Variants in PRMT3 observed in about 807,000 individuals in gnomAD.
PRMT3 encodes the protein protein arginine N-methyltransferase 3.
PRMT3 carries 62 observed loss-of-function variants against 71.9 expected under a neutral mutation model. The ratio of observed to expected loss-of-function variants is 0.86; its 90% confidence interval spans 0.70 to 1.07. The LOEUF (loss-of-function observed/expected upper bound fraction) is 1.07, where lower values mean the gene tolerates loss of function less well. Among genes scored for constraint, PRMT3 ranks in the 50% least tolerant of loss-of-function variants. The pLI is 0.00. For missense variants in PRMT3, 663 were observed against 643.0 expected (o/e 1.03, Z -0.34); for synonymous variants, 213 against 220.4 (o/e 0.97, Z 0.30).
chr11:20,429,407 C>T (rs962167860), intron 10 of PRMT3, among the ~76,000 whole-genome samples: 3 of 152,138 alleles, frequency 2.0e-5, no homozygotes, highest in Non-Finnish European at 4.4e-5. Context: ...TAACAGGCCA[C>T]GGACCAGTAC....
chr11:20,475,730 T>C (rs1850766902), intron 13 of PRMT3, among the ~76,000 whole-genome samples: 1 of 149,182 alleles, frequency 6.7e-6, no homozygotes, highest in South Asian at 2.1e-4. Context: ...CTCTGCTCAC[T>C]GCCACCTCAA....
At chr11:20,467,436 CCTT>C (rs1475511744) in intron 13 of PRMT3, among the ~76,000 whole-genome samples, 1 of 152,080 alleles carries the variant, frequency 6.6e-6, no homozygotes, top group African/African-American at 2.4e-5. Flanking sequence ...ACCCAAAAAA[CCTT>C]CTTTGTGGGA....
At chr11:20,466,319 C>T (rs193161637) in intron 13 of PRMT3, among the ~76,000 whole-genome samples, 59 of 152,280 alleles carry the variant, frequency 3.9e-4, no homozygotes, top group Non-Finnish European at 4.3e-4. Flanking sequence ...TGGCCTGCTA[C>T]AGAGCTGCCT....
At chr11:20,399,985 G>C (rs1590034565) in intron 7 of PRMT3, among the ~76,000 whole-genome samples, 1 of 152,158 alleles carries the variant, frequency 6.6e-6, no homozygotes, top group Non-Finnish European at 1.5e-5. Context: ...AATGTCTATA[G>C]GACATATGGA....
intron 10 of PRMT3, among the ~76,000 whole-genome samples, chr11:20,434,342 G>A (rs1395027722): frequency 6.6e-6 from 1 of 152,154 alleles, no homozygotes; most frequent in African/African-American, 2.4e-5. Context: ...TTACTCTGTT[G>A]ATGGTTTCTT....
chr11:20,402,845 G>A, intron 7 of PRMT3, 74 bp from the exon 8 acceptor site: 2 of 1,179,896 alleles, frequency 1.7e-6, no homozygotes, highest in Non-Finnish European at 2.5e-6. Context: ...TGTTAATATG[G>A]CAAATATCTC....
intron 10 of PRMT3, among the ~76,000 whole-genome samples, chr11:20,448,522 C>T (rs981252976): frequency 1.3e-5 from 2 of 151,876 alleles, no homozygotes; most frequent in African/African-American, 4.8e-5. Context: ...TTGTCATCAT[C>T]CTTCAGATTA....
At chr11:20,441,290 TA>T (rs1849892462) in intron 10 of PRMT3, among the ~76,000 whole-genome samples, 1 of 147,688 alleles carries the variant, frequency 6.8e-6, no homozygotes, top group South Asian at 2.1e-4. Flanking sequence ...TTTATTTATT[TA>T]TTTATTTATT....
intron 15 of PRMT3, among the ~76,000 whole-genome samples, chr11:20,496,668 CTT>C (rs1211693992): frequency 6.6e-6 from 1 of 151,776 alleles, no homozygotes; most frequent in African/African-American, 2.4e-5. Flanking sequence ...TAAAGGAAAA[CTT>C]TGTAAAAAAT....
In PRMT3 at chr11:20,392,303, GAA is replaced by G. The variant is rs779122636; in HGVS notation, c.297+45_297+46del. ...TTTATAATTTCGTTTAGAAATCAAA[GAA>G]ATGCTACAGTGACTGTCAGTGTACT... is the stretch of plus-strand genomic sequence containing the variant. On this transcript the variant is annotated intron_variant, in intron 4 of 15. Transcript: ENST00000331079. 9 of 1,522,708 alleles carry G rather than the reference GAA, an allele frequency of 5.9e-6. No individual in the cohort carries two copies. The African/African-American group carries it at 1.3e-4, about 21-fold the overall frequency. The allele number at this position is 1,522,708 out of a possible 1,614,324, so 94.3% of individuals were successfully genotyped here.
chr11:20,486,965 G>C (rs750541875), intron 13 of PRMT3, among the ~76,000 whole-genome samples: 5 of 152,002 alleles, frequency 3.3e-5, no homozygotes, highest in Non-Finnish European at 5.9e-5. Flanking sequence ...GCTGAGGCAG[G>C]AGAATTGCTT....
At chr11:20,452,250 A>G (rs1353113936) in intron 11 of PRMT3, 42 bp downstream of exon 11, 6 of 1,455,812 alleles carry the variant, frequency 4.1e-6, no homozygotes, top group Non-Finnish European at 4.8e-6. Context: ...ATTTTAGTCT[A>G]GCAGAACCAG....
intron 10 of PRMT3, among the ~76,000 whole-genome samples, chr11:20,450,667 A>C (rs1291980483): frequency 1.3e-5 from 2 of 152,152 alleles, no homozygotes; most frequent in Non-Finnish European, 2.9e-5. Flanking sequence ...GAATAGGTCA[A>C]TACCGACGTA....
chr11:20,392,695 A>T (rs1027896684), intron 4 of PRMT3, among the ~76,000 whole-genome samples: 2 of 150,332 alleles, frequency 1.3e-5, no homozygotes, highest in Non-Finnish European at 3.0e-5. Context: ...TCCAAACAGT[A>T]AAAAAAACTC....
chr11:20,504,841 C>T (rs1348739392), intron 15 of PRMT3, among the ~76,000 whole-genome samples: 1 of 152,000 alleles, frequency 6.6e-6, no homozygotes, highest in Non-Finnish European at 1.5e-5. Flanking sequence ...TCAGGCCATC[C>T]TTGTGCCTCA....
intron 12 of PRMT3, among the ~76,000 whole-genome samples, chr11:20,463,943 C>T (rs904426039): frequency 2.6e-5 from 4 of 152,184 alleles, no homozygotes; most frequent in African/African-American, 9.6e-5. Flanking sequence ...TGTGGTTTCT[C>T]CTCATATCTA....
At chr11:20,464,395 T>C (rs1850456764) in intron 12 of PRMT3, 65 bp from the exon 13 acceptor site, 3 of 1,519,790 alleles carry the variant, frequency 2.0e-6, no homozygotes, top group Non-Finnish European at 2.6e-6. Flanking sequence ...TTTTGTTTTA[T>C]TTTTTGTTTT....
chr11:20,473,111 A>G (rs1039547673), intron 13 of PRMT3, among the ~76,000 whole-genome samples: 3 of 151,814 alleles, frequency 2.0e-5, no homozygotes, highest in Non-Finnish European at 4.4e-5. Flanking sequence ...TCCTGATTGT[A>G]TTTATTTGAT....
intron 12 of PRMT3, among the ~76,000 whole-genome samples, chr11:20,463,388 G>C (rs1368902339): frequency 1.3e-5 from 2 of 152,086 alleles, no homozygotes; most frequent in African/African-American, 4.8e-5. Context: ...TGGGCTCTTT[G>C]GCTCAGGATA....
Sources: gnomAD v4.1 joint callset for allele counts (sites outside exome capture counted in the v4.1 genomes callset) on GRCh38, gnomAD v4.1.1 for gene constraint, MANE v1.5 for transcripts, NCBI Gene and HGNC (gene_info 2026-07-23, HGNC 2026-07-21) for gene names.